Variants in SPAG16 observed in about 807,000 individuals in gnomAD.
SPAG16 encodes the protein sperm associated antigen 16.
In SPAG16, 86 loss-of-function variants were observed where a neutral mutation model predicts 80.4. The observed-to-expected ratio is 1.07, with a 90% CI of 0.90 to 1.28. The LOEUF (loss-of-function observed/expected upper bound fraction) is 1.28, where lower values mean the gene tolerates loss of function less well. Among genes scored for constraint, SPAG16 ranks in the 50% most tolerant of loss-of-function variants. SPAG16 has a pLI of 0.00. For synonymous variants in SPAG16, 294 were observed against 265.9 expected (o/e 1.11, Z -1.03); for missense variants, 870 against 765.3 (o/e 1.14, Z -1.61).
At chr2:213,726,720 C>A (rs970359624) in intron 10 of SPAG16, among the ~76,000 whole-genome samples, 1 of 152,158 alleles carries the variant, frequency 6.6e-6, no homozygotes, top group African/African-American at 2.4e-5. Flanking sequence ...TACTTGGTTT[C>A]ATTAATGTGA....
At chr2:213,822,767 C>A (rs1049544947) in intron 10 of SPAG16, among the ~76,000 whole-genome samples, 1 of 152,110 alleles carries the variant, frequency 6.6e-6, no homozygotes, top group Admixed American at 6.5e-5. Context: ...GTATTGTTCC[C>A]TCTCTATGCC....
At chr2:213,831,583 G>A (rs1010859357) in intron 10 of SPAG16, among the ~76,000 whole-genome samples, 1 of 151,842 alleles carries the variant, frequency 6.6e-6, no homozygotes, top group Admixed American at 6.6e-5. Context: ...ATTCAGCTCA[G>A]GAAAATTTTC....
At chr2:214,269,743 A>C (rs1227086680) in intron 15 of SPAG16, among the ~76,000 whole-genome samples, 1 of 152,110 alleles carries the variant, frequency 6.6e-6, no homozygotes, top group Non-Finnish European at 1.5e-5. Flanking sequence ...CTTCTAAAGA[A>C]GATTTTAATT....
In SPAG16 at chr2:213,723,984, G is replaced by A. The variant is rs143494671; in HGVS notation, c.1071-138501G>A. ...GCATGTCTCTTGGTCATCAGGGTGA[G>A]AGAGAGAAAGAAAGATAAACCACAG... On this transcript the variant is annotated intron_variant, in intron 10 of 15. Transcript: ENST00000331683. Among the ~76,000 whole-genome samples, 101 of 152,276 alleles carry A rather than the reference G, an allele frequency of 6.6e-4. 1 individual carries two copies. In the South Asian group the frequency reaches 0.018, roughly 27 times the overall value.
intron 14 of SPAG16, among the ~76,000 whole-genome samples, chr2:214,142,419 G>A (rs2055409254): frequency 1.3e-5 from 2 of 152,078 alleles, no homozygotes; most frequent in South Asian, 4.1e-4. Flanking sequence ...ATTAGCTTTA[G>A]ATCTCCTTGC....
intron 13 of SPAG16, among the ~76,000 whole-genome samples, chr2:214,103,274 T>A (rs1017871520): frequency 1.3e-5 from 2 of 152,028 alleles, no homozygotes; most frequent in African/African-American, 4.8e-5. Flanking sequence ...AGAGAGGCAA[T>A]ATTGTGGAAC....
chr2:213,967,056 T>A (rs1417292681), intron 12 of SPAG16, among the ~76,000 whole-genome samples: 2 of 152,222 alleles, frequency 1.3e-5, no homozygotes, highest in Non-Finnish European at 2.9e-5. Flanking sequence ...TTGAATAACT[T>A]AGTTCAATCT....
At chr2:213,994,753 A>G (rs960152439) in intron 12 of SPAG16, among the ~76,000 whole-genome samples, 23 of 152,310 alleles carry the variant, frequency 1.5e-4, no homozygotes, top group African/African-American at 5.5e-4. Flanking sequence ...AAGGAAATAA[A>G]TATGCTTTCC....
At chr2:214,347,324 A>G (rs2126041784) in intron 15 of SPAG16, among the ~76,000 whole-genome samples, 1 of 149,516 alleles carries the variant, frequency 6.7e-6, no homozygotes, top group Non-Finnish European at 1.5e-5. Flanking sequence ...GATGAGACAG[A>G]TGAACTAAAG....
chr2:214,225,996 C>T (rs548104374), intron 15 of SPAG16, among the ~76,000 whole-genome samples: 4 of 152,202 alleles, frequency 2.6e-5, no homozygotes, highest in East Asian at 3.9e-4. Flanking sequence ...TGACTACTTC[C>T]GGTAGAAAGC....
intron 15 of SPAG16, among the ~76,000 whole-genome samples, chr2:214,268,466 G>A (rs938356691): frequency 8.6e-5 from 13 of 151,982 alleles, no homozygotes; most frequent in African/African-American, 3.1e-4. Flanking sequence ...ATACTATTCA[G>A]CCTTAAAAAA....
intron 10 of SPAG16, among the ~76,000 whole-genome samples, chr2:213,628,571 A>G (rs1399995846): frequency 2.6e-5 from 4 of 152,238 alleles, no homozygotes; most frequent in Non-Finnish European, 4.4e-5. Context: ...ACATTGCACA[A>G]TGGACCCGTT....
chr2:213,408,653 T>C (rs2125382963), intron 9 of SPAG16, among the ~76,000 whole-genome samples: 1 of 152,338 alleles, frequency 6.6e-6, no homozygotes, highest in Admixed American at 6.5e-5. Context: ...GGACCATAGA[T>C]GTTTCTTCCC....
At chr2:213,832,908 A>G (rs933039883) in intron 10 of SPAG16, among the ~76,000 whole-genome samples, 3 of 152,054 alleles carry the variant, frequency 2.0e-5, no homozygotes, top group Non-Finnish European at 4.4e-5. Flanking sequence ...AGGCGAGGAA[A>G]GGTATCAAAC....
intron 10 of SPAG16, among the ~76,000 whole-genome samples, chr2:213,635,894 G>A (rs758451216): frequency 6.6e-6 from 1 of 152,138 alleles, no homozygotes; most frequent in Non-Finnish European, 1.5e-5. Context: ...CTTCCACTCT[G>A]TGGGTTGTCT....
chr2:213,637,538 G>A (rs763106785), intron 10 of SPAG16, among the ~76,000 whole-genome samples: 3 of 152,086 alleles, frequency 2.0e-5, no homozygotes, highest in African/African-American at 2.4e-5. Context: ...TTTGAATGTC[G>A]GATAGAATTC....
intron 15 of SPAG16, among the ~76,000 whole-genome samples, chr2:214,391,973 G>A (rs938195450): frequency 3.3e-5 from 5 of 152,134 alleles, no homozygotes; most frequent in South Asian, 2.1e-4. Flanking sequence ...TGAACACAAC[G>A]CAGAGATTTG....
intron 15 of SPAG16, among the ~76,000 whole-genome samples, chr2:214,338,253 C>G (rs948044480): frequency 6.6e-6 from 1 of 152,132 alleles, no homozygotes; most frequent in Non-Finnish European, 1.5e-5. Context: ...TGGTGGCTCA[C>G]GCCTGTAATC....
rs1574445219 is a variant in SPAG16 at position 213,599,537 on chromosome 2, A to G, written c.1070+109447A>G. Among the ~76,000 whole-genome samples, 10 of 152,230 alleles carry G rather than the reference A, an allele frequency of 6.6e-5. 3 individuals are homozygous for G. Among genetic ancestry groups the G allele is most frequent in the Admixed American group, 6.5e-4 (10 of 15,290 alleles). On this transcript the variant is annotated intron_variant, in intron 10 of 15. Coordinates refer to ENST00000331683, the MANE Select transcript of SPAG16 (RefSeq NM_024532.5). ...GATAGTAAATGTAATCTCTCTTCTG[A>G]TTTTTAGAATAACATTTTCTTTTCT... is the stretch of plus-strand genomic sequence containing the variant.
Sources: gnomAD v4.1 joint callset for allele counts (sites outside exome capture counted in the v4.1 genomes callset) on GRCh38, gnomAD v4.1.1 for gene constraint, MANE v1.5 for transcripts, NCBI Gene and HGNC (gene_info 2026-07-23, HGNC 2026-07-21) for gene names.